PLA2R1: variants seen among roughly 807,000 people sequenced by gnomAD.
The protein encoded by PLA2R1 is secretory phospholipase A2 receptor.
PLA2R1 carries 158 observed loss-of-function variants against 195.9 expected under a neutral mutation model. That is an observed-to-expected ratio of 0.81 (90% CI 0.71 to 0.92). PLA2R1 has a LOEUF of 0.92. PLA2R1 is among the 40% of genes least tolerant of loss of function. The pLI, the probability that PLA2R1 is intolerant of heterozygous loss-of-function variation, is 0.00. For synonymous variants in PLA2R1, 586 were observed against 598.2 expected, an observed-to-expected ratio of 0.98 and a Z score of 0.30; for missense variants, 1,626 against 1,764.6, an observed-to-expected ratio of 0.92 and a Z score of 1.41.
intron 14 of PLA2R1, 67 bp downstream of exon 14, chr2:159,979,762 GT>G: frequency 1.2e-6 from 1 of 849,212 alleles, no homozygotes; most frequent in Non-Finnish European, 2.0e-6. Flanking sequence ...CTCTTGGTTG[GT>G]TTACCAAGTG....
chr2:159,983,114 T>A (rs1300066266), intron 13 of PLA2R1, among the ~76,000 whole-genome samples: 10 of 152,176 alleles, frequency 6.6e-5, no homozygotes, highest in Non-Finnish European at 8.8e-5. Context: ...AGAGTAGATT[T>A]GATCTGTATT....
intron 12 of PLA2R1, among the ~76,000 whole-genome samples, chr2:159,985,610 A>C (rs1320659392): frequency 2.6e-5 from 4 of 152,176 alleles, no homozygotes. Context: ...AACCGTATGC[A>C]TCAATTTGTT....
intron 21 of PLA2R1, 55 bp from the exon 22 acceptor site, chr2:159,955,883 T>TCC (rs1688055551): frequency 4.8e-6 from 5 of 1,052,582 alleles, no homozygotes; most frequent in Non-Finnish European, 7.1e-6. Context: ...ATTTGGGTAA[T>TCC]CACTGCATCC....
chr2:160,030,987 G>A (rs1207754654), intron 4 of PLA2R1, among the ~76,000 whole-genome samples: 3 of 152,050 alleles, frequency 2.0e-5, no homozygotes, highest in Admixed American at 6.5e-5. Context: ...ATTCATAAAT[G>A]GCATGTAAAC....
intron 11 of PLA2R1, among the ~76,000 whole-genome samples, chr2:159,995,370 C>T (rs1019861639): frequency 6.6e-6 from 1 of 152,046 alleles, no homozygotes; most frequent in East Asian, 1.9e-4. Context: ...AGGAACTCTG[C>T]TTCAATTCCA....
At chr2:160,062,221 T>G in intron 1 of PLA2R1, 74 bp downstream of exon 1, 1 of 1,197,136 alleles carries the variant, frequency 8.4e-7, no homozygotes, top group South Asian at 1.7e-5. Flanking sequence ...GCTTCGCCCC[T>G]TCTTCCTCTC....
intron 2 of PLA2R1, among the ~76,000 whole-genome samples, chr2:160,042,619 A>G (rs1201013721): frequency 6.6e-6 from 1 of 152,156 alleles, no homozygotes; most frequent in Non-Finnish European, 1.5e-5. Context: ...TGAACATTTA[A>G]TGTACTCAGT....
At chr2:159,929,229 G>A (rs2125897331), downstream of PLA2R1, among the ~76,000 whole-genome samples, 1 of 152,276 alleles carries the variant, frequency 6.6e-6, no homozygotes. Context: ...TACAGAGTGG[G>A]AGAAAATCTT....
intron 11 of PLA2R1, among the ~76,000 whole-genome samples, chr2:159,990,235 C>A (rs1690669749): frequency 6.6e-6 from 1 of 152,006 alleles, no homozygotes; most frequent in Non-Finnish European, 1.5e-5. Context: ...AATTTGATAA[C>A]TCACTTCCCA....
At chr2:160,019,460 C>T (rs1238563314) in intron 8 of PLA2R1, among the ~76,000 whole-genome samples, 2 of 152,194 alleles carry the variant, frequency 1.3e-5, no homozygotes, top group Non-Finnish European at 1.5e-5. Flanking sequence ...TGGATCTGTC[C>T]ACTTCTCTTC....
chr2:159,964,139 C>A (rs1270493848), intron 20 of PLA2R1, among the ~76,000 whole-genome samples: 2 of 152,108 alleles, frequency 1.3e-5, no homozygotes, highest in South Asian at 2.1e-4. Flanking sequence ...ATAGGCCAGA[C>A]ACAAGGACAA....
chr2:160,061,539 C>T (rs1224163712), intron 1 of PLA2R1, among the ~76,000 whole-genome samples: 1 of 152,152 alleles, frequency 6.6e-6, no homozygotes, highest in Admixed American at 6.5e-5. Context: ...TTTGGGAGGA[C>T]GAGGTGGGCG....
intron 9 of PLA2R1, among the ~76,000 whole-genome samples, chr2:160,013,749 GTGTC>G (rs1251516622): frequency 5.8e-5 from 8 of 137,894 alleles, no homozygotes; most frequent in East Asian, 2.0e-4. Context: ...GTGTGTGTGT[GTGTC>G]TCTCTCTCTC....
Position 159,939,054 on chromosome 2 carries a change from TG to T in PLA2R1, c.*2723del, listed in dbSNP as rs1686963738. 3 of 152,218 alleles carry T rather than the reference TG, an allele frequency of 2.0e-5. No homozygotes were observed. Among genetic ancestry groups the T allele is most frequent in the Non-Finnish European group, 4.4e-5 (3 of 68,036 alleles). 9.4% of individuals were successfully genotyped at this position (152,218 alleles called of 1,614,324 possible). The stretch of plus-strand genomic sequence containing the variant: ...TGAATTTGTGATCCTGCCGCTTTTT[TG>T]GCATAAATGTAAGGAGTACAAGTGT... On this transcript the variant is annotated 3_prime_UTR_variant, in exon 30 of 30. Coordinates refer to ENST00000283243, the MANE Select transcript of PLA2R1 (RefSeq NM_007366.5).
intron 6 of PLA2R1, among the ~76,000 whole-genome samples, chr2:160,024,330 G>A (rs1029663977): frequency 3.9e-5 from 6 of 152,172 alleles, no homozygotes; most frequent in African/African-American, 1.2e-4. Context: ...GTGTGGCCAA[G>A]TTGCCACGAG....
At chr2:160,039,043 T>C (rs1314058523) in intron 3 of PLA2R1, among the ~76,000 whole-genome samples, 2 of 152,002 alleles carry the variant, frequency 1.3e-5, no homozygotes, top group Admixed American at 6.6e-5. Flanking sequence ...ATTTTGTATT[T>C]TTAGTAGAGA....
rs919715173 is a variant in PLA2R1 at position 160,039,230 on chromosome 2, C to T, written c.667+2795G>A. ...ATTATATAAAAATAAGGTTCAAGGG[C>T]AATCATATCATTTCACAGGTTGGTA... On this transcript the variant is annotated intron_variant, in intron 3 of 29. Coordinates refer to ENST00000283243, the MANE Select transcript of PLA2R1 (RefSeq NM_007366.5). Among the ~76,000 whole-genome samples, 8 of 152,158 alleles carry T rather than the reference C, an allele frequency of 5.3e-5. No homozygotes were observed. The East Asian group carries it at 1.4e-3, about 26-fold the overall frequency.
At chr2:160,015,702 G>T (rs1219689775) in intron 9 of PLA2R1, among the ~76,000 whole-genome samples, 1 of 152,118 alleles carries the variant, frequency 6.6e-6, no homozygotes, top group Non-Finnish European at 1.5e-5. Context: ...ATAATCATTA[G>T]ATAAAATGGT....
At chr2:159,997,317 G>T (rs1691278856) in intron 11 of PLA2R1, among the ~76,000 whole-genome samples, 1 of 151,982 alleles carries the variant, frequency 6.6e-6, no homozygotes, top group African/African-American at 2.4e-5. Flanking sequence ...GAGCTGGAGC[G>T]GGGTATTTCC....
Sources: allele counts gnomAD v4.1 joint callset (sites outside exome capture counted in the v4.1 genomes callset), GRCh38; gene constraint gnomAD v4.1.1; transcripts MANE v1.5; gene names NCBI Gene and HGNC (gene_info 2026-07-23, HGNC 2026-07-21).